Variants in PTPRT observed in about 807,000 individuals in gnomAD.
PTPRT encodes the protein protein tyrosine phosphatase receptor type T.
In PTPRT, 56 loss-of-function variants were observed where a neutral mutation model predicts 176.8. That is an observed-to-expected ratio of 0.32 (90% CI 0.26 to 0.40). The LOEUF (loss-of-function observed/expected upper bound fraction) is 0.40. Among genes scored for constraint, PTPRT ranks in the 10% least tolerant of loss-of-function variants. The pLI, the probability that PTPRT is intolerant of heterozygous loss-of-function variation, is 1.00. For synonymous variants in PTPRT, 783 were observed against 739.0 expected (o/e 1.06, Z -0.96); for missense variants, 1,540 against 1,908.2 (o/e 0.81, Z 3.60).
chr20:42,381,993 T>C (rs2058701942), intron 9 of PTPRT, among the ~76,000 whole-genome samples: 2 of 152,164 alleles, frequency 1.3e-5, no homozygotes, highest in Admixed American at 1.3e-4. Context: ...TTTTGGGTAA[T>C]ATATCCAAGC....
chr20:42,853,041 C>T (rs2078503256), intron 2 of PTPRT, among the ~76,000 whole-genome samples: 1 of 152,216 alleles, frequency 6.6e-6, no homozygotes, highest in African/African-American at 2.4e-5. Context: ...GATGAAGCAA[C>T]AGCTTTGCTG....
intron 1 of PTPRT, among the ~76,000 whole-genome samples, chr20:42,915,707 T>A (rs934285741): frequency 6.6e-6 from 1 of 152,126 alleles, no homozygotes; most frequent in Non-Finnish European, 1.5e-5. Flanking sequence ...TCCTCCAATC[T>A]TAGCCTCCTG....
intron 12 of PTPRT, among the ~76,000 whole-genome samples, chr20:42,286,385 T>C (rs1432036248): frequency 2.0e-5 from 3 of 151,768 alleles, no homozygotes; most frequent in Non-Finnish European, 4.4e-5. Flanking sequence ...AACAGACACA[T>C]AAACCAATGA....
At chr20:42,786,681 C>G (rs1265964491) in intron 3 of PTPRT, among the ~76,000 whole-genome samples, 3 of 152,156 alleles carry the variant, frequency 2.0e-5, no homozygotes, top group East Asian at 1.9e-4. Context: ...TTTTCTTGTT[C>G]ATTGTACTTC....
chr20:42,784,795 G>T (rs1906572787), intron 3 of PTPRT, among the ~76,000 whole-genome samples: 1 of 152,074 alleles, frequency 6.6e-6, no homozygotes, highest in Admixed American at 6.6e-5. Context: ...CAAGCAGATG[G>T]CTGCAAAATT....
chr20:42,801,258 C>T (rs1052595460), intron 2 of PTPRT, among the ~76,000 whole-genome samples: 3 of 152,096 alleles, frequency 2.0e-5, no homozygotes, highest in East Asian at 1.9e-4. Context: ...CACCATCTAA[C>T]GCGGATACCA....
intron 1 of PTPRT, among the ~76,000 whole-genome samples, chr20:43,051,522 T>G (rs1600675649): frequency 6.7e-6 from 1 of 150,322 alleles, no homozygotes; most frequent in African/African-American, 2.5e-5. Context: ...ACACAAACAT[T>G]TGGCCAAATC....
chr20:42,472,188 G>C (rs1181961227), intron 8 of PTPRT, 78 bp downstream of exon 8: 4 of 1,458,960 alleles, frequency 2.7e-6, no homozygotes, highest in African/African-American at 1.4e-5. Flanking sequence ...AAAAATAAAA[G>C]CCTCATAACT....
intron 7 of PTPRT, among the ~76,000 whole-genome samples, chr20:42,505,550 C>A (rs1017076758): frequency 1.3e-5 from 2 of 152,150 alleles, no homozygotes; most frequent in African/African-American, 4.8e-5. Flanking sequence ...GATCCACCTG[C>A]CTTGGCCTCC....
At chr20:42,621,380 C>A (rs1456311241) in intron 7 of PTPRT, among the ~76,000 whole-genome samples, 1 of 152,230 alleles carries the variant, frequency 6.6e-6, no homozygotes, top group Non-Finnish European at 1.5e-5. Context: ...TCTCCAACAA[C>A]CTCCTGTCCC....
chr20:42,886,143 C>T (rs928144687), intron 1 of PTPRT, among the ~76,000 whole-genome samples: 5 of 151,838 alleles, frequency 3.3e-5, no homozygotes, highest in Admixed American at 6.6e-5. Context: ...TGCAGGCCTC[C>T]GTATTTAAAA....
intron 11 of PTPRT, among the ~76,000 whole-genome samples, chr20:42,334,772 T>C (rs2058016411): frequency 6.6e-6 from 1 of 152,248 alleles, no homozygotes; most frequent in South Asian, 2.1e-4. Flanking sequence ...TTCCTTAATT[T>C]ATTTAAATGA....
At chr20:42,982,694 C>T (rs894719350) in intron 1 of PTPRT, among the ~76,000 whole-genome samples, 1 of 152,126 alleles carries the variant, frequency 6.6e-6, no homozygotes, top group African/African-American at 2.4e-5. Context: ...CACTCGGCTT[C>T]CCCAGCCAAG....
chr20:42,807,316 C>T (rs942878514), intron 2 of PTPRT, among the ~76,000 whole-genome samples: 5 of 152,180 alleles, frequency 3.3e-5, no homozygotes, highest in Non-Finnish European at 7.3e-5. Context: ...CTCCCAGATT[C>T]TGTCAAAAGT....
chr20:42,237,165 C>A (rs1228433600), intron 14 of PTPRT, among the ~76,000 whole-genome samples: 1 of 152,308 alleles, frequency 6.6e-6, no homozygotes, highest in East Asian at 1.9e-4. Context: ...AGAAATAAGT[C>A]ATTCCCTTCA....
At chr20:42,626,183 T>C (rs1033562770) in intron 7 of PTPRT, among the ~76,000 whole-genome samples, 3 of 152,054 alleles carry the variant, frequency 2.0e-5, no homozygotes, top group African/African-American at 7.2e-5. Flanking sequence ...TCATCTAGTT[T>C]AAGAAAAAAA....
At chr20:42,966,445 A>G (rs1458925465) in intron 1 of PTPRT, 1 of 152,030 alleles carries the variant, frequency 6.6e-6, no homozygotes, top group Non-Finnish European at 1.5e-5. Flanking sequence ...ATCTCAATAC[A>G]CTATGTCACA....
intron 7 of PTPRT, among the ~76,000 whole-genome samples, chr20:42,645,482 C>A (rs934005344): frequency 2.6e-5 from 4 of 152,164 alleles, no homozygotes; most frequent in Admixed American, 6.5e-5. Flanking sequence ...TTCCCTGAGC[C>A]TTCACTGTGT....
chr20:42,114,215 G>A (rs1178306755), intron 22 of PTPRT, among the ~76,000 whole-genome samples: 1 of 152,224 alleles, frequency 6.6e-6, no homozygotes, highest in Non-Finnish European at 1.5e-5. Flanking sequence ...AATCCTGGTT[G>A]TACCAACCTT....
Sources: gnomAD v4.1 joint callset for allele counts (sites outside exome capture counted in the v4.1 genomes callset) on GRCh38, gnomAD v4.1.1 for gene constraint, MANE v1.5 for transcripts, NCBI Gene and HGNC (gene_info 2026-07-23, HGNC 2026-07-21) for gene names.